The following RABGAP1L variants were observed in gnomAD, a reference collection of about 807,000 sequenced individuals.
RABGAP1L encodes the protein rab GTPase-activating protein 1-like.
In RABGAP1L, 63 loss-of-function variants were observed where a neutral mutation model predicts 137.7. That is an observed-to-expected ratio of 0.46 (90% confidence interval 0.37 to 0.56). The LOEUF is 0.56. Among genes scored for constraint, RABGAP1L ranks in the 20% least tolerant of loss-of-function variants. RABGAP1L has a pLI of 0.00. For missense variants in RABGAP1L, 1,095 were observed against 1,244.0 expected (o/e 0.88, Z 1.80); for synonymous variants, 431 against 433.7 (o/e 0.99, Z 0.08).
chr1:174,443,230 T>C (rs1050547517), intron 13 of RABGAP1L, among the ~76,000 whole-genome samples: 1 of 152,118 alleles, frequency 6.6e-6, no homozygotes, highest in Non-Finnish European at 1.5e-5. Context: ...CTTTTGGATA[T>C]ATACCCAGCA....
intron 14 of RABGAP1L, among the ~76,000 whole-genome samples, chr1:174,664,813 C>T (rs1036551594): frequency 6.9e-6 from 1 of 145,050 alleles, no homozygotes; most frequent in African/African-American, 2.6e-5. Context: ...TCTTGGCTCA[C>T]CGCAACCTCT....
intron 12 of RABGAP1L, among the ~76,000 whole-genome samples, chr1:174,385,956 G>GT (rs201631823): frequency 0.015 from 2,227 of 152,282 alleles, 27 homozygotes; most frequent in Non-Finnish European, 0.023. Flanking sequence ...TGGGTTGAGA[G>GT]TTTTTTATTA....
intron 10 of RABGAP1L, among the ~76,000 whole-genome samples, chr1:174,292,140 C>T (rs538706397): frequency 2.2e-4 from 33 of 150,048 alleles, no homozygotes; most frequent in Admixed American, 1.5e-3. Flanking sequence ...TGGGCTCAAG[C>T]GAGTCTCCCA....
chr1:174,541,409 AT>A (rs2147934746), intron 13 of RABGAP1L, among the ~76,000 whole-genome samples: 2 of 152,286 alleles, frequency 1.3e-5, no homozygotes, highest in South Asian at 4.1e-4. Flanking sequence ...CCCATTCAGT[AT>A]GATATTGGCT....
At chr1:174,264,125 G>T (rs1196426296) in intron 7 of RABGAP1L, among the ~76,000 whole-genome samples, 2 of 151,682 alleles carry the variant, frequency 1.3e-5, no homozygotes, top group African/African-American at 4.8e-5. Flanking sequence ...TCTTATAGGT[G>T]AAATTTTGTA....
At chr1:174,959,711 C>A (rs1297921341) in intron 20 of RABGAP1L, among the ~76,000 whole-genome samples, 2 of 152,076 alleles carry the variant, frequency 1.3e-5, no homozygotes, top group Non-Finnish European at 2.9e-5. Flanking sequence ...TCTAATGTCT[C>A]TATACTCTTA....
chr1:174,590,077 C>T (rs1669450136), intron 13 of RABGAP1L, among the ~76,000 whole-genome samples: 2 of 147,884 alleles, frequency 1.4e-5, no homozygotes, highest in South Asian at 4.3e-4. Context: ...TTCTTCTAAT[C>T]CATGAACATG....
chr1:174,503,555 G>A (rs1661523281), intron 13 of RABGAP1L, among the ~76,000 whole-genome samples: 1 of 150,948 alleles, frequency 6.6e-6, no homozygotes, highest in Non-Finnish European at 1.5e-5. Flanking sequence ...CAGCTACTGG[G>A]GAGGCTGAGG....
intron 4 of RABGAP1L, among the ~76,000 whole-genome samples, chr1:174,240,412 G>T (rs1671707267): frequency 1.3e-5 from 2 of 152,130 alleles, no homozygotes; most frequent in Admixed American, 1.3e-4. Flanking sequence ...ATGCCTGGCT[G>T]ATTTTTGTAT....
chr1:174,632,682 C>T (rs1159658619), intron 13 of RABGAP1L, among the ~76,000 whole-genome samples: 7 of 149,362 alleles, frequency 4.7e-5, no homozygotes, highest in African/African-American at 1.7e-4. Flanking sequence ...CAGTTGATCG[C>T]ATCGGCTCCT....
At chr1:174,829,386 T>C (rs1185418463) in intron 19 of RABGAP1L, among the ~76,000 whole-genome samples, 1 of 148,244 alleles carries the variant, frequency 6.7e-6, no homozygotes, top group Non-Finnish European at 1.5e-5. Context: ...GTGTTTATTA[T>C]ACTGTGTAGC....
chr1:174,308,785 A>G (rs1181695141), intron 11 of RABGAP1L, among the ~76,000 whole-genome samples: 1 of 152,100 alleles, frequency 6.6e-6, no homozygotes, highest in Non-Finnish European at 1.5e-5. Flanking sequence ...GCATTGCACT[A>G]GATTTTGAAG....
intron 14 of RABGAP1L, among the ~76,000 whole-genome samples, chr1:174,638,412 A>G (rs937192265): frequency 3.9e-5 from 6 of 152,140 alleles, no homozygotes; most frequent in African/African-American, 1.4e-4. Flanking sequence ...ATGTGGAGAA[A>G]TAGGAACACT....
chr1:174,776,615 G>T (rs973595912), intron 18 of RABGAP1L, among the ~76,000 whole-genome samples: 2 of 152,118 alleles, frequency 1.3e-5, no homozygotes, highest in African/African-American at 4.8e-5. Flanking sequence ...GAGTAAACAG[G>T]TCTAAAGATT....
intron 13 of RABGAP1L, among the ~76,000 whole-genome samples, chr1:174,524,201 GTT>G (rs138633457): frequency 1.4e-5 from 2 of 147,110 alleles, no homozygotes; most frequent in Non-Finnish European, 1.5e-5. Context: ...TGTTGTTGTT[GTT>G]GTTGTTTTTT....
intron 17 of RABGAP1L, among the ~76,000 whole-genome samples, chr1:174,746,194 G>A (rs1196555352): frequency 1.3e-5 from 2 of 152,124 alleles, no homozygotes; most frequent in Admixed American, 1.3e-4. Flanking sequence ...CAAGATTGTG[G>A]GTGCTTAATC....
rs1302200798 is a variant in RABGAP1L, at chr1:174,448,745, T to C, written c.1710+54600T>C. ...TACTGGCTTTATTGTTTGTTTACTT[T>C]ATGCTCCTGCTGCCTTTGTTGTCTG... On this transcript the variant is annotated intron_variant, in intron 13 of 25. Transcript: ENST00000681986. This position sits in a 1 kb window ranked among gnomAD's most constrained non-coding sequence, Gnocchi z 4.2. 1 of 1,613,896 alleles carries C rather than the reference T, an allele frequency of 6.2e-7. No homozygotes were observed. The highest frequency in any genetic ancestry group is 1.7e-5 in the Admixed American group (1 of 59,980).
chr1:174,895,164 T>C (rs1238437591), intron 19 of RABGAP1L, among the ~76,000 whole-genome samples: 1 of 152,176 alleles, frequency 6.6e-6, no homozygotes, highest in Non-Finnish European at 1.5e-5. Context: ...AATAAGTAAA[T>C]GAAATAAATG....
intron 19 of RABGAP1L, among the ~76,000 whole-genome samples, chr1:174,841,202 T>C (rs1693357512): frequency 6.6e-6 from 1 of 152,118 alleles, no homozygotes; most frequent in Admixed American, 6.5e-5. Context: ...ACTAAGAATG[T>C]CAAATAAAAC....
Sources: gnomAD v4.1 joint callset for allele counts (sites outside exome capture counted in the v4.1 genomes callset) on GRCh38, gnomAD v4.1.1 for gene constraint, Gnocchi (gnomAD v3.1) non-coding constraint, MANE v1.5 for transcripts, NCBI Gene and HGNC (gene_info 2026-07-23, HGNC 2026-07-21) for gene names.